DCHS2: variants seen among roughly 807,000 people sequenced by gnomAD.
DCHS2 encodes dachsous cadherin-related 2.
A neutral mutation model predicts 182.4 loss-of-function variants in DCHS2; 142 were observed. That is an observed-to-expected ratio of 0.78 (90% CI 0.68 to 0.89). The LOEUF (loss-of-function observed/expected upper bound fraction) is 0.89, where lower values mean the gene tolerates loss of function less well. DCHS2 is among the 40% of genes least tolerant of loss of function. DCHS2 has a pLI of 0.00. For synonymous variants in DCHS2, 1,740 were observed against 1,663.3 expected, an observed-to-expected ratio of 1.05 and a Z score of -1.12; for missense variants, 4,319 against 4,198.6, an observed-to-expected ratio of 1.03 and a Z score of -0.79.
At chr4:154,398,964 C>A (rs1014507481) in intron 1 of DCHS2, among the ~76,000 whole-genome samples, 1 of 152,182 alleles carries the variant, frequency 6.6e-6, no homozygotes, top group African/African-American at 2.4e-5. Flanking sequence ...CTCCCCATCA[C>A]CCCCGCCTTC....
intron 16 of DCHS2, among the ~76,000 whole-genome samples, chr4:154,243,253 C>A (rs779780596): frequency 6.6e-6 from 1 of 152,040 alleles, no homozygotes; most frequent in Non-Finnish European, 1.5e-5. Flanking sequence ...GCAAATCAAT[C>A]GAAATGCTAG....
At position 154,255,428 on chromosome 4, in the gene DCHS2, C is replaced by G. The variant is rs935457777; in HGVS notation, c.6941+91G>C. 13 of 1,466,796 alleles carry G rather than the reference C, an allele frequency of 8.9e-6. No homozygotes were observed. In the Admixed American group the frequency reaches 2.3e-4, roughly 26 times the overall value. 90.9% of individuals were successfully genotyped at this position (1,466,796 alleles called of 1,614,324 possible). A position where few individuals can be genotyped will look rare whatever the true frequency, so the allele number is the denominator to read the frequency against. Reference sequence around the variant, plus strand: ...AAGGGATAACACATTTTACAATAAGCTTACGTAACAGGAAGTTATGAACAA... The same window carrying G: ...AAGGGATAACACATTTTACAATAAGGTTACGTAACAGGAAGTTATGAACAA... On this transcript the variant is annotated intron_variant, in intron 16 of 19. Transcript: ENST00000357232.
At chr4:154,433,240 G>A (rs1453000705) in intron 1 of DCHS2, among the ~76,000 whole-genome samples, 1 of 152,098 alleles carries the variant, frequency 6.6e-6, no homozygotes, top group African/African-American at 2.4e-5. Flanking sequence ...CAAGGAGGGA[G>A]GAAGGATTAC....
chr4:154,330,696 CAG>C (rs1459267006), intron 5 of DCHS2, among the ~76,000 whole-genome samples: 4 of 151,922 alleles, frequency 2.6e-5, no homozygotes, highest in Non-Finnish European at 2.9e-5. Flanking sequence ...AAAGTGGAAA[CAG>C]GGAACAAAAA....
chr4:154,256,469 T>G (rs1319903461), intron 15 of DCHS2, among the ~76,000 whole-genome samples: 1 of 152,030 alleles, frequency 6.6e-6, no homozygotes, highest in Non-Finnish European at 1.5e-5. Context: ...ATTAAACAAG[T>G]GAAACAAAAC....
chr4:154,249,086 T>G (rs6849044), intron 16 of DCHS2, among the ~76,000 whole-genome samples: 1 of 152,090 alleles, frequency 6.6e-6, no homozygotes, highest in Non-Finnish European at 1.5e-5. Flanking sequence ...AATTGACAGA[T>G]GGGATCTAAT....
At chr4:154,394,692 G>C (rs1731858621) in intron 1 of DCHS2, among the ~76,000 whole-genome samples, 1 of 152,076 alleles carries the variant, frequency 6.6e-6, no homozygotes, top group African/African-American at 2.4e-5. Context: ...TCTTTAGCCT[G>C]GTCCTCAAAT....
chr4:154,441,253 G>C (rs1012702357), intron 1 of DCHS2, among the ~76,000 whole-genome samples: 1 of 152,144 alleles, frequency 6.6e-6, no homozygotes, highest in African/African-American at 2.4e-5. Flanking sequence ...TGATAATACA[G>C]TATGTTCAAA....
intron 1 of DCHS2, among the ~76,000 whole-genome samples, chr4:154,431,221 G>A (rs1430063260): frequency 1.3e-5 from 2 of 152,072 alleles, no homozygotes; most frequent in African/African-American, 2.4e-5. Flanking sequence ...GCAGGCGGGG[G>A]GAGATTTAAC....
chr4:154,326,920 T>C (rs1461271800), intron 7 of DCHS2, among the ~76,000 whole-genome samples: 1 of 152,184 alleles, frequency 6.6e-6, no homozygotes, highest in Non-Finnish European at 1.5e-5. Flanking sequence ...CAAAGCCTCA[T>C]TGAACATTTG....
intron 1 of DCHS2, among the ~76,000 whole-genome samples, chr4:154,416,172 A>T (rs1392206665): frequency 6.6e-6 from 1 of 152,160 alleles, no homozygotes; most frequent in Non-Finnish European, 1.5e-5. Context: ...AATGGTCATG[A>T]TCAGCTGTCT....
chr4:154,342,778 TCTTCCAAACTCCTATGTTAA>T (rs1169953029), intron 3 of DCHS2, among the ~76,000 whole-genome samples: 1 of 152,168 alleles, frequency 6.6e-6, no homozygotes, highest in African/African-American at 2.4e-5. Flanking sequence ...GGAGTCAACT[TCTTCCAAACTCCTATGTTAA>T]CCTCCCTCCA....
rs752442062 is a variant in DCHS2 at position 154,335,023 on chromosome 4, C to T, written c.2558G>A (p.Gly853Glu). Residue 853 changes from glycine to glutamate, a missense_variant, in exon 4 of 20, where the codon GGG becomes GAG. Coordinates refer to ENST00000357232, the MANE Select transcript of DCHS2 (RefSeq NM_001358235.2). Reference sequence around the variant, plus strand: ...ATCGGCATTAATGACAGCTGTGAGCCCACCACCGTCTTGAGCAGAGACCAT... The same window carrying T: ...ATCGGCATTAATGACAGCTGTGAGCTCACCACCGTCTTGAGCAGAGACCAT... ...SLMVSAQDGG[G>E]LTAVINADVT... 3 of 1,614,026 alleles carry T rather than the reference C, an allele frequency of 1.9e-6. No individual in the cohort carries two copies. The South Asian group carries it at 3.3e-5, about 18-fold the overall frequency.
intron 1 of DCHS2, among the ~76,000 whole-genome samples, chr4:154,433,872 A>G (rs564635632): frequency 5.3e-5 from 8 of 152,190 alleles, no homozygotes; most frequent in Non-Finnish European, 8.8e-5. Flanking sequence ...TAGTCACTAA[A>G]CAACAATCTA....
intron 14 of DCHS2, among the ~76,000 whole-genome samples, chr4:154,268,234 C>CG (rs979095368): frequency 7.7e-6 from 1 of 129,794 alleles, no homozygotes; most frequent in African/African-American, 3.0e-5. Context: ...TCACTTTCCC[C>CG]CCCCCAAAAA....
In DCHS2 at chr4:154,236,036, C is replaced by T; in HGVS notation, c.8616G>A (p.Gly2872=). The T allele has an allele frequency of 6.2e-7, 1 of 1,613,878 alleles. No homozygotes were observed. Among genetic ancestry groups the T allele is most frequent in the Non-Finnish European group, 8.5e-7 (1 of 1,179,958 alleles). Residue 2872 remains glycine (G), a synonymous_variant, in exon 20 of 20, where the codon GGG becomes GGA. Coordinates refer to ENST00000357232, the MANE Select transcript of DCHS2 (RefSeq NM_001358235.2). ...TGAAAATGGGCTCAAATTCATCTAT[C>T]CCTTCAATATCCACCCAGACCACTA... is the stretch of plus-strand genomic sequence containing the variant. ...ASLVVWVDIE[G]IDEFEPIFTQ... is the part of the protein sequence containing the mutation.
chr4:154,255,566 C>T lies in DCHS2; in HGVS notation c.6894G>A (p.Val2298=). 5.6e-6 allele frequency: 9 copies of T among 1,613,800 alleles called. No individual in the cohort carries two copies. Among genetic ancestry groups the T allele is most frequent in the Non-Finnish European group, 7.6e-6 (9 of 1,179,876 alleles). The change falls in exon 16 of 20, where the codon GTG becomes GTA. Residue 2298 remains valine (V), a synonymous_variant. Transcript: ENST00000357232. ...AATCTAGAATCGCTTTTGTTGTTAT[C>T]ACACCACTCAGTGCATCAATCTGGA... The part of the protein sequence containing the change: ...EAFQIDALSG[V]ITTKAILDYE...
intron 1 of DCHS2, among the ~76,000 whole-genome samples, chr4:154,402,767 T>C (rs1054899510): frequency 6.6e-6 from 1 of 152,178 alleles, no homozygotes. Flanking sequence ...TGTGGGGACA[T>C]GAGATTTGGG....
intron 1 of DCHS2, among the ~76,000 whole-genome samples, chr4:154,481,606 C>G (rs1735922842): frequency 6.6e-6 from 1 of 152,150 alleles, no homozygotes; most frequent in African/African-American, 2.4e-5. Flanking sequence ...TAATCACACT[C>G]AAGTGAAATT....
Sources: allele counts gnomAD v4.1 joint callset (sites outside exome capture counted in the v4.1 genomes callset), GRCh38; gene constraint gnomAD v4.1.1; transcripts MANE v1.5; gene names NCBI Gene and HGNC (gene_info 2026-07-23, HGNC 2026-07-21).